The following USH2A variants were observed in gnomAD, a reference collection of about 807,000 sequenced individuals.
USH2A encodes the protein usherin.
A neutral mutation model predicts 538.9 loss-of-function variants in USH2A; 443 were observed. The ratio of observed to expected loss-of-function variants is 0.82; its 90% confidence interval spans 0.76 to 0.89. USH2A has a LOEUF of 0.89. USH2A is among the 40% of genes least tolerant of loss of function. USH2A has a pLI of 0.00. For missense variants in USH2A, 6,633 were observed against 6,324.8 expected (o/e 1.05, Z -1.65); for synonymous variants, 2,413 against 2,273.5 (o/e 1.06, Z -1.75).
Position 216,246,660 on chromosome 1 carries a change from T to C in USH2A, c.2734A>G (p.Ile912Val). The C allele has an allele frequency of 6.2e-7, 1 of 1,614,096 alleles. No homozygotes were observed. The change falls in exon 13 of 72, where the codon ATT (isoleucine) becomes GTT (valine). Residue 912 changes from isoleucine to valine, a missense_variant. By Grantham distance (29) the Ile-to-Val change is conservative (BLOSUM62 3). Coordinates refer to ENST00000307340, the MANE Select transcript of USH2A (RefSeq NM_206933.4). ...CDSLGTLPGT[I>V]CDPISGQCLC... is the part of the protein sequence containing the mutation. ...CACTGGCCACTGATTGGGTCACAAATGGTCCCAGGTAATGTCCCCAAGGAA... is the reference window on the plus strand; with the variant it reads ...CACTGGCCACTGATTGGGTCACAAACGGTCCCAGGTAATGTCCCCAAGGAA...
intron 9 of USH2A, among the ~76,000 whole-genome samples, chr1:216,306,658 G>A (rs2037322255): frequency 6.6e-6 from 1 of 152,178 alleles, no homozygotes; most frequent in Non-Finnish European, 1.5e-5. Flanking sequence ...GAAGATCTGG[G>A]GCTCAAGTGC....
intron 37 of USH2A, among the ~76,000 whole-genome samples, chr1:215,951,444 T>C (rs1310350104): frequency 1.3e-5 from 2 of 152,334 alleles, no homozygotes; most frequent in African/African-American, 4.8e-5. Context: ...TCTATTCTTT[T>C]ACATTTGCTG....
intron 61 of USH2A, among the ~76,000 whole-genome samples, chr1:215,692,212 T>C (rs940052208): frequency 6.6e-6 from 1 of 152,052 alleles, no homozygotes; most frequent in Non-Finnish European, 1.5e-5. Context: ...GAAACCTGGT[T>C]GGAGTGGGTG....
At chr1:216,254,729 A>T (rs1431508116) in intron 11 of USH2A, among the ~76,000 whole-genome samples, 1 of 152,130 alleles carries the variant, frequency 6.6e-6, no homozygotes, top group Non-Finnish European at 1.5e-5. Context: ...CACATATGAG[A>T]GTGAGGTCTT....
At chr1:216,072,221 G>A (rs1020342497) in intron 29 of USH2A, among the ~76,000 whole-genome samples, 38 of 152,294 alleles carry the variant, frequency 2.5e-4, no homozygotes, top group African/African-American at 9.1e-4. Flanking sequence ...AAAACTCTTT[G>A]TGCTGAATGC....
chr1:215,648,788 G>C, intron 65 of USH2A, 22 bp from the exon 66 acceptor site: 1 of 1,602,694 alleles, frequency 6.2e-7, no homozygotes, highest in Non-Finnish European at 8.5e-7. Flanking sequence ...AGGAAGGCTA[G>C]ATAAAGGCAG....
chr1:216,174,024 A>C (rs1482367885), intron 21 of USH2A: 1 of 985,128 alleles, frequency 1.0e-6, no homozygotes, highest in Non-Finnish European at 1.2e-6. Flanking sequence ...CTCTGCAATG[A>C]TTTTGATGTA....
chr1:216,195,249 C>T (rs1358966664), intron 19 of USH2A, among the ~76,000 whole-genome samples: 1 of 152,028 alleles, frequency 6.6e-6, no homozygotes, highest in African/African-American at 2.4e-5. Context: ...ATAAGCAGAG[C>T]CAAAAGCCGT....
At chr1:216,174,085 A>G (rs2034325215) in intron 21 of USH2A, 3 of 985,264 alleles carry the variant, frequency 3.0e-6, no homozygotes, top group Non-Finnish European at 2.4e-6. Flanking sequence ...CAGTTAGAAT[A>G]TAATCATGAT....
chr1:215,873,732 A>C (rs551256806), intron 43 of USH2A, among the ~76,000 whole-genome samples: 1 of 151,992 alleles, frequency 6.6e-6, no homozygotes, highest in East Asian at 1.9e-4. Context: ...TGAATGTTTT[A>C]ATTTAAATGT....
chr1:216,422,181 C>T lies in USH2A; in HGVS notation c.156G>A (p.Val52=), dbSNP rs1394982484. 2 of 1,612,978 alleles carry T rather than the reference C, an allele frequency of 1.2e-6. No homozygotes were observed. ...GGAGTCCACATACTGCTTGGGTTGG[C>T]ACGATGGAAACTTTCTTGAAAGCTC... ...NVGAFKKVSI[V]PTQAVCGLPD... Residue 52 remains valine, a synonymous_variant, in exon 2 of 72, where the codon GTG becomes GTA. Transcript: ENST00000307340.
chr1:216,227,655 G>T (rs2035588104), intron 14 of USH2A, among the ~76,000 whole-genome samples: 1 of 152,148 alleles, frequency 6.6e-6, no homozygotes, highest in Non-Finnish European at 1.5e-5. Flanking sequence ...AATTAAAAAT[G>T]TGTGACAATG....
At chr1:216,248,401 T>C (rs550767878) in intron 12 of USH2A, among the ~76,000 whole-genome samples, 2 of 152,048 alleles carry the variant, frequency 1.3e-5, no homozygotes, top group African/African-American at 2.4e-5. Context: ...AATAACTCAC[T>C]GCATGGGTTG....
chr1:215,734,201 G>C (rs74732559), intron 60 of USH2A, among the ~76,000 whole-genome samples: 212 of 152,302 alleles, frequency 1.4e-3, no homozygotes, highest in African/African-American at 4.8e-3. Context: ...TAGCTACCAA[G>C]GGTTTGGTGT....
intron 56 of USH2A, among the ~76,000 whole-genome samples, 188 bp downstream of exon 56, chr1:215,766,493 C>A (rs1279983855): frequency 6.6e-6 from 1 of 152,086 alleles, no homozygotes; most frequent in African/African-American, 2.4e-5. Context: ...GAATTGAAAG[C>A]GAACTGACCT....
rs953393034 is a variant in USH2A, at chr1:215,961,705, A to G, written c.7120+3612T>C. ...CAGATATGTCCACACGTATTTATTA[A>G]TAAAGATGGAAATTTAGGAGCTCTT... On this transcript the variant is annotated intron_variant, in intron 37 of 71. Coordinates refer to ENST00000307340, the MANE Select transcript of USH2A (RefSeq NM_206933.4). 4.0e-5 allele frequency among the ~76,000 whole-genome samples: 6 copies of G among 151,882 alleles called. No homozygotes were observed. In the East Asian group the frequency reaches 1.2e-3, roughly 29 times the overall value.
At chr1:216,281,650 A>G (rs1458308745) in intron 11 of USH2A, among the ~76,000 whole-genome samples, 2 of 152,142 alleles carry the variant, frequency 1.3e-5, no homozygotes, top group Non-Finnish European at 2.9e-5. Flanking sequence ...TGACTATTAC[A>G]AACAATGTGG....
At chr1:215,938,142 C>T (rs1666553645) in intron 37 of USH2A, among the ~76,000 whole-genome samples, 1 of 152,072 alleles carries the variant, frequency 6.6e-6, no homozygotes, top group African/African-American at 2.4e-5. Flanking sequence ...TATGCAATTA[C>T]ATAACCATTT....
chr1:215,795,030 C>G (rs971251708), intron 50 of USH2A, among the ~76,000 whole-genome samples: 1 of 152,116 alleles, frequency 6.6e-6, no homozygotes, highest in Admixed American at 6.6e-5. Flanking sequence ...GGTGTTCTGA[C>G]TTCTCTTTCC....
Sources: gnomAD v4.1 joint callset for allele counts (sites outside exome capture counted in the v4.1 genomes callset) on GRCh38, gnomAD v4.1.1 for gene constraint, MANE v1.5 for transcripts, NCBI Gene and HGNC (gene_info 2026-07-23, HGNC 2026-07-21) for gene names.